The following SIPA1L3 variants were observed in gnomAD, a reference collection of about 807,000 sequenced individuals.
The protein encoded by SIPA1L3 is signal induced proliferation associated 1 like 3.
SIPA1L3 carries 59 observed loss-of-function variants against 150.1 expected under a neutral mutation model. The observed-to-expected ratio is 0.39, with a 90% CI of 0.32 to 0.49. SIPA1L3 has a LOEUF of 0.49. SIPA1L3 is among the 20% of genes least tolerant of loss of function. The pLI is 0.86. For missense variants in SIPA1L3, 2,211 were observed against 2,489.5 expected, an observed-to-expected ratio of 0.89 and a Z score of 2.38; for synonymous variants, 1,070 against 1,077.6, an observed-to-expected ratio of 0.99 and a Z score of 0.14.
intron 15 of SIPA1L3, among the ~76,000 whole-genome samples, chr19:38,172,444 A>C (rs1972349234): frequency 6.6e-6 from 1 of 152,200 alleles, no homozygotes; most frequent in Non-Finnish European, 1.5e-5. Context: ...ACAGACAGAC[A>C]GCCGAACCAC....
At chr19:38,087,065 G>T (rs537138376) in intron 3 of SIPA1L3, among the ~76,000 whole-genome samples, 1 of 152,180 alleles carries the variant, frequency 6.6e-6, no homozygotes, top group Non-Finnish European at 1.5e-5. Flanking sequence ...CTGACTTAGC[G>T]CAGGGTTCTT....
chr19:38,133,274 C>T (rs1971355947), intron 10 of SIPA1L3, among the ~76,000 whole-genome samples: 1 of 152,248 alleles, frequency 6.6e-6, no homozygotes, highest in South Asian at 2.1e-4. Flanking sequence ...CACAGCCCAG[C>T]AGCCACTGCT....
At chr19:37,986,469 G>A (rs1967353189) in intron 1 of SIPA1L3, among the ~76,000 whole-genome samples, 1 of 152,228 alleles carries the variant, frequency 6.6e-6, no homozygotes, top group Non-Finnish European at 1.5e-5. Context: ...CTGGCAGTCA[G>A]CCAGGCTTCA....
At chr19:38,102,660 A>G (rs1052498821) in intron 6 of SIPA1L3, among the ~76,000 whole-genome samples, 1 of 151,722 alleles carries the variant, frequency 6.6e-6, no homozygotes, top group African/African-American at 2.4e-5. Flanking sequence ...ATGCTCTTAC[A>G]CAGTGGAACT....
chr19:38,099,874 C>A lies in SIPA1L3; in HGVS notation c.1666-88C>A, dbSNP rs1172243681. 4 of 1,130,718 alleles carry A rather than the reference C, an allele frequency of 3.5e-6. No individual in the cohort carries two copies. The African/African-American group carries it at 4.9e-5, about 14-fold the overall frequency. The allele number at this position is 1,130,718 out of a possible 1,614,324, so 70.0% of individuals were successfully genotyped here. On this transcript the variant is annotated intron_variant, in intron 4 of 21. Coordinates refer to ENST00000222345, the MANE Select transcript of SIPA1L3 (RefSeq NM_015073.3). ...ACAAACTTCCAATCATCACACATGT[C>A]TCTTTCAAAACAAGATACCTCTGCT...
intron 1 of SIPA1L3, among the ~76,000 whole-genome samples, chr19:38,013,827 C>T (rs1394867747): frequency 6.6e-6 from 1 of 152,252 alleles, no homozygotes; most frequent in Non-Finnish European, 1.5e-5. Context: ...TATGGCACAT[C>T]TGTACTCTTG....
intron 1 of SIPA1L3, among the ~76,000 whole-genome samples, chr19:37,971,834 T>C (rs1966948581): frequency 1.3e-5 from 2 of 152,138 alleles, no homozygotes; most frequent in African/African-American, 4.8e-5. Flanking sequence ...CCCAAAGTGC[T>C]GGGATTACAG....
intron 15 of SIPA1L3, among the ~76,000 whole-genome samples, chr19:38,180,824 C>G (rs376318417): frequency 2.0e-5 from 3 of 152,094 alleles, no homozygotes; most frequent in Non-Finnish European, 4.4e-5. Context: ...GAATTACAGG[C>G]GTGAGCCACC....
intron 2 of SIPA1L3, among the ~76,000 whole-genome samples, chr19:38,068,935 G>A (rs892754894): frequency 5.9e-5 from 9 of 152,186 alleles, no homozygotes; most frequent in African/African-American, 1.7e-4. Flanking sequence ...GTTAACACAC[G>A]CCAGTGTGTA....
chr19:37,990,372 A>C (rs1225677899), intron 1 of SIPA1L3, among the ~76,000 whole-genome samples: 2 of 152,188 alleles, frequency 1.3e-5, no homozygotes, highest in Non-Finnish European at 2.9e-5. Flanking sequence ...CATGTTGGGC[A>C]CTACCTTGAG....
chr19:38,048,515 C>T (rs534523940), intron 2 of SIPA1L3, among the ~76,000 whole-genome samples: 6 of 152,272 alleles, frequency 3.9e-5, no homozygotes, highest in Admixed American at 6.5e-5. Flanking sequence ...TCAACCAGGC[C>T]GGTCAAGTTA....
intron 16 of SIPA1L3, chr19:38,184,580 C>CA (rs1439372913): frequency 6.6e-6 from 1 of 152,272 alleles, no homozygotes; most frequent in Admixed American, 6.5e-5. Context: ...GGTCAAGGCT[C>CA]ACGTCTCTTG....
intron 1 of SIPA1L3, among the ~76,000 whole-genome samples, chr19:38,012,040 C>T (rs1167473632): frequency 1.3e-5 from 2 of 151,206 alleles, no homozygotes; most frequent in Non-Finnish European, 2.9e-5. Flanking sequence ...CACAGGTTGT[C>T]TCCTGTGTCT....
intron 1 of SIPA1L3, among the ~76,000 whole-genome samples, chr19:37,918,474 G>T (rs2046430960): frequency 6.6e-6 from 1 of 151,832 alleles, no homozygotes; most frequent in South Asian, 2.1e-4. Context: ...TGGCCAGGAT[G>T]GTCTCAATCT....
chr19:38,105,630 G>A (rs1970605249), intron 6 of SIPA1L3, among the ~76,000 whole-genome samples: 1 of 152,128 alleles, frequency 6.6e-6, no homozygotes, highest in African/African-American at 2.4e-5. Flanking sequence ...TCCCTGACTG[G>A]TATAATCTGA....
chr19:37,971,818 C>T (rs1171508817), intron 1 of SIPA1L3, among the ~76,000 whole-genome samples: 3 of 152,126 alleles, frequency 2.0e-5, no homozygotes, highest in Non-Finnish European at 2.9e-5. Flanking sequence ...CCGCCCGCCT[C>T]AGCCTCCCAA....
intron 2 of SIPA1L3, among the ~76,000 whole-genome samples, chr19:38,033,681 G>A (rs76713542): frequency 0.53 from 80,522 of 150,878 alleles, 22,537 homozygotes; most frequent in East Asian, 0.7. Context: ...GTATGTGTGT[G>A]TGTGTGTGTG....
chr19:38,127,379 C>T (rs899974055), intron 9 of SIPA1L3, among the ~76,000 whole-genome samples: 1 of 152,142 alleles, frequency 6.6e-6, no homozygotes, highest in African/African-American at 2.4e-5. Flanking sequence ...ATAACATAGC[C>T]ATCATACATA....
chr19:37,998,976 CT>C (rs1967711582), intron 1 of SIPA1L3, among the ~76,000 whole-genome samples: 8 of 126,960 alleles, frequency 6.3e-5, no homozygotes, highest in African/African-American at 2.6e-4. Flanking sequence ...CCAGCCCTAT[CT>C]ATCACACACA....
Sources: gnomAD v4.1 joint callset for allele counts (sites outside exome capture counted in the v4.1 genomes callset) on GRCh38, gnomAD v4.1.1 for gene constraint, MANE v1.5 for transcripts, NCBI Gene and HGNC (gene_info 2026-07-23, HGNC 2026-07-21) for gene names.